Variants in COL18A1 observed in about 807,000 individuals in gnomAD.
The protein encoded by COL18A1 is collagen type XVIII alpha 1 chain.
COL18A1 carries 133 observed loss-of-function variants against 168.0 expected under a neutral mutation model. That is an observed-to-expected ratio of 0.79 (90% confidence interval 0.69 to 0.91). The LOEUF (loss-of-function observed/expected upper bound fraction) is 0.91. Ranked by LOEUF, COL18A1 falls within the 40% of genes least tolerant of loss-of-function variation. COL18A1 has a pLI of 0.00. For synonymous variants in COL18A1, 949 were observed against 809.0 expected, an observed-to-expected ratio of 1.17 and a Z score of -2.94; for missense variants, 2,126 against 1,925.4, an observed-to-expected ratio of 1.10 and a Z score of -1.95.
At chr21:45,494,393 G>A (rs2036461437) in intron 26 of COL18A1, 152 bp from the exon 27 acceptor site, 3 of 1,084,422 alleles carry the variant, frequency 2.8e-6, no homozygotes, top group Non-Finnish European at 4.1e-6. Flanking sequence ...ACGGCCCAGT[G>A]CACCCAAAGG....
intron 7 of COL18A1, 130 bp from the exon 8 acceptor site, chr21:45,477,620 C>T (rs1360431900): frequency 1.6e-6 from 2 of 1,248,776 alleles, no homozygotes; most frequent in Non-Finnish European, 2.3e-6. Flanking sequence ...TCGGTGCCAG[C>T]ATGCGTCCAC....
chr21:45,500,254 TGCATATGTGGGTG>T (rs2036710544), intron 32 of COL18A1, among the ~76,000 whole-genome samples: 39 of 117,772 alleles, frequency 3.3e-4, no homozygotes, highest in Middle Eastern at 5.6e-3. Context: ...GTGTGGAGTG[TGCATATGTGGGTG>T]TTGGGTGTGT....
intron 2 of COL18A1, among the ~76,000 whole-genome samples, chr21:45,461,323 A>C (rs1188798697): frequency 6.6e-6 from 1 of 152,158 alleles, no homozygotes; most frequent in Non-Finnish European, 1.5e-5. Context: ...CCAGTAGTCC[A>C]ACAGGCGAAA....
chr21:45,490,902 TG>T (rs780883252), intron 21 of COL18A1, 31 bp downstream of exon 21: 7 of 1,537,690 alleles, frequency 4.6e-6, no homozygotes, highest in South Asian at 1.2e-5. Context: ...TGGATGGGGA[TG>T]GGGGGCGCTG....
intron 33 of COL18A1, 66 bp downstream of exon 33, chr21:45,504,120 C>T: frequency 6.4e-7 from 1 of 1,558,082 alleles, no homozygotes; most frequent in South Asian, 1.1e-5. Flanking sequence ...GTGGCTGCTC[C>T]CAATTTCTCG....
chr21:45,483,528 C>T (rs2035971335), intron 15 of COL18A1, among the ~76,000 whole-genome samples: 1 of 152,210 alleles, frequency 6.6e-6, no homozygotes, highest in South Asian at 2.1e-4. Flanking sequence ...GAGCTAGAAC[C>T]CTGCAGAGGA....
chr21:45,511,519 T>C (rs2037607436), intron 41 of COL18A1, among the ~76,000 whole-genome samples: 1 of 152,020 alleles, frequency 6.6e-6, no homozygotes, highest in Non-Finnish European at 1.5e-5. Context: ...AAGCCTGTGG[T>C]CAGCCATGTA....
chr21:45,445,140 G>A (rs939276545), intron 2 of COL18A1, among the ~76,000 whole-genome samples: 1 of 152,144 alleles, frequency 6.6e-6, no homozygotes, highest in Non-Finnish European at 1.5e-5. Context: ...CTCCAGTCCT[G>A]GCCACCGGTC....
At chr21:45,413,592 TGAG>T (rs1333974141) in intron 2 of COL18A1, among the ~76,000 whole-genome samples, 4 of 152,204 alleles carry the variant, frequency 2.6e-5, no homozygotes, top group African/African-American at 9.7e-5. Context: ...GTGCTGCCTC[TGAG>T]GAGGAGTTCA....
intron 2 of COL18A1, among the ~76,000 whole-genome samples, chr21:45,460,020 T>C (rs553222191): frequency 1.3e-5 from 2 of 152,198 alleles, no homozygotes; most frequent in East Asian, 3.9e-4. Flanking sequence ...CAGGCAAGCA[T>C]CCTCTGACCT....
chr21:45,476,808 C>T (rs1041813096), intron 6 of COL18A1, among the ~76,000 whole-genome samples: 2 of 148,432 alleles, frequency 1.3e-5, no homozygotes, highest in African/African-American at 2.5e-5. Context: ...GTGTAGTGTA[C>T]GTGTGTGGTG....
intron 32 of COL18A1, among the ~76,000 whole-genome samples, chr21:45,500,432 TGGAGTGTGGCTATGGGGGTGC>T: frequency 8.5e-6 from 1 of 117,712 alleles, no homozygotes. Flanking sequence ...GGGGTGTGTG[TGGAGTGTGGCTATGGGGGTGC>T]TGGGTGTGTA....
intron 40 of COL18A1, among the ~76,000 whole-genome samples, chr21:45,510,845 G>A (rs1049713031): frequency 6.6e-6 from 1 of 152,068 alleles, no homozygotes; most frequent in Admixed American, 6.5e-5. Context: ...GGCCTCTTGG[G>A]GTCTGCAGAG....
chr21:45,506,262 C>A (rs570504439), intron 37 of COL18A1: 21 of 430,724 alleles, frequency 4.9e-5, no homozygotes, highest in South Asian at 3.4e-4. Flanking sequence ...CTCACACACC[C>A]GATAATAAGA....
Position 45,480,459 on chromosome 21 carries a change from T to C in COL18A1, c.1399-8T>C. On this transcript the variant is annotated splice_polypyrimidine_tract_variant and splice_region_variant and intron_variant, in intron 11 of 41. Coordinates refer to ENST00000651438, the MANE Select transcript of COL18A1 (RefSeq NM_001379500.1). The stretch of plus-strand genomic sequence containing the variant: ...AGGGCAACGTGTCTCTCCGGCTCTT[T>C]TCCTCAGACCTTCATTGACATGGAG... The C allele has an allele frequency of 6.2e-7, 1 of 1,614,108 alleles. No individual in the cohort carries two copies. Among genetic ancestry groups the C allele is most frequent in the South Asian group, 1.1e-5 (1 of 91,088 alleles).
At chr21:45,465,523 A>G (rs919991043) in intron 2 of COL18A1, among the ~76,000 whole-genome samples, 1 of 152,120 alleles carries the variant, frequency 6.6e-6, no homozygotes, top group Middle Eastern at 3.2e-3. Context: ...CGCACTCTTC[A>G]AGCTCTGGAT....
At chr21:45,506,322 C>T in intron 37 of COL18A1, 1 of 365,728 alleles carries the variant, frequency 2.7e-6, no homozygotes, top group South Asian at 2.2e-5. Flanking sequence ...CCCTCCAGGG[C>T]CACGTGACGT....
rs1180046334 is a variant in COL18A1 at position 45,477,758 on chromosome 21, G to A, written c.1014G>A (p.Leu338=). Residue 338 remains leucine, a synonymous_variant, in exon 8 of 42, where the codon CTG becomes CTA. Coordinates refer to ENST00000651438, the MANE Select transcript of COL18A1 (RefSeq NM_001379500.1). ...TPGGRVKEGG[L]KGQKGEPGVP... ...GTTCTGTTTATTCCCAGGGCGGCCTGAAGGGGCAGAAAGGGGAGCCAGGTG... is the reference window on the plus strand; with the variant it reads ...GTTCTGTTTATTCCCAGGGCGGCCTAAAGGGGCAGAAAGGGGAGCCAGGTG... The A allele has an allele frequency of 6.5e-7, 1 of 1,540,072 alleles. No homozygotes were observed. Among genetic ancestry groups the A allele is most frequent in the South Asian group, 1.2e-5 (1 of 83,838 alleles).
At position 45,461,375 on chromosome 21, in the gene COL18A1, C is replaced by T. The variant is rs773524255; in HGVS notation, c.107-6867C>T. On this transcript the variant is annotated intron_variant, in intron 2 of 41. Transcript: ENST00000651438. ...AGTAACAGTAAGTCAAGGAGGCCCCCGTTGCCTATGCACAGAGTGGGGTGG... is the reference window on the plus strand; with the variant it reads ...AGTAACAGTAAGTCAAGGAGGCCCCTGTTGCCTATGCACAGAGTGGGGTGG... Among the ~76,000 whole-genome samples, 12 of 152,032 alleles carry T rather than the reference C, an allele frequency of 7.9e-5. No individual in the cohort carries two copies. The South Asian group carries it at 1.5e-3, about 18-fold the overall frequency.
Sources: gnomAD v4.1 joint callset for allele counts (sites outside exome capture counted in the v4.1 genomes callset) on GRCh38, gnomAD v4.1.1 for gene constraint, MANE v1.5 for transcripts, NCBI Gene and HGNC (gene_info 2026-07-23, HGNC 2026-07-21) for gene names.